Variants in NRXN1 observed in about 807,000 individuals in gnomAD.
The protein encoded by NRXN1 is neurexin-1.
Under a neutral mutation model 150.9 loss-of-function variants are expected in NRXN1, and 39 were observed. The observed-to-expected ratio is 0.26, with a 90% CI of 0.20 to 0.34. The LOEUF (loss-of-function observed/expected upper bound fraction) is 0.34. NRXN1 is among the 10% of genes least tolerant of loss of function. NRXN1 has a pLI of 1.00. For synonymous variants in NRXN1, 924 were observed against 757.0 expected, an observed-to-expected ratio of 1.22 and a Z score of -3.62; for missense variants, 1,815 against 1,949.9, an observed-to-expected ratio of 0.93 and a Z score of 1.30.
intron 5 of NRXN1, among the ~76,000 whole-genome samples, chr2:50,845,578 C>T (rs1673522409): frequency 6.6e-6 from 1 of 152,126 alleles, no homozygotes; most frequent in South Asian, 2.1e-4. Context: ...CTGTTTTTCC[C>T]TCACAAATTT....
intron 9 of NRXN1, among the ~76,000 whole-genome samples, chr2:50,542,279 C>G (rs907388049): frequency 3.3e-5 from 5 of 151,014 alleles, no homozygotes; most frequent in Admixed American, 2.6e-4. Flanking sequence ...AAAACTCCAT[C>G]AGAAAGAAAG....
chr2:50,543,964 A>C (rs1179352433), intron 9 of NRXN1, among the ~76,000 whole-genome samples: 3 of 152,150 alleles, frequency 2.0e-5, no homozygotes, highest in Non-Finnish European at 4.4e-5. Flanking sequence ...TAGCAAGTTT[A>C]GCCAAAGGAT....
At chr2:50,433,864 A>T (rs2104392699) in intron 17 of NRXN1, among the ~76,000 whole-genome samples, 1 of 152,172 alleles carries the variant, frequency 6.6e-6, no homozygotes, top group South Asian at 2.1e-4. Flanking sequence ...AAATAAAAGC[A>T]GATGGTAGAG....
At chr2:50,402,579 G>T (rs1210316987) in intron 17 of NRXN1, among the ~76,000 whole-genome samples, 1 of 152,050 alleles carries the variant, frequency 6.6e-6, no homozygotes, top group Non-Finnish European at 1.5e-5. Context: ...GTAGCTTTCG[G>T]AGAGCAAGTC....
chr2:50,202,980 A>G (rs1034147478), intron 18 of NRXN1, among the ~76,000 whole-genome samples: 45 of 152,148 alleles, frequency 3.0e-4, no homozygotes, highest in Non-Finnish European at 1.5e-5. Flanking sequence ...CTAGATGTCA[A>G]TGGGAGAAGA....
chr2:50,862,801 G>C (rs961925324), intron 5 of NRXN1, among the ~76,000 whole-genome samples: 1 of 152,052 alleles, frequency 6.6e-6, no homozygotes, highest in East Asian at 1.9e-4. Flanking sequence ...ATTAGAAATG[G>C]AAATGTGCCT....
chr2:50,550,296 G>C (rs1218925388), intron 9 of NRXN1, among the ~76,000 whole-genome samples: 2 of 152,110 alleles, frequency 1.3e-5, no homozygotes, highest in Non-Finnish European at 1.5e-5. Flanking sequence ...GTATGATCAC[G>C]GCTCACTGCA....
chr2:50,492,230 C>T (rs185717233), intron 15 of NRXN1, among the ~76,000 whole-genome samples: 4 of 152,176 alleles, frequency 2.6e-5, no homozygotes, highest in Admixed American at 1.3e-4. Flanking sequence ...GCTGCTTGTA[C>T]ATAATAACCA....
chr2:50,478,523 C>T (rs1481611183), intron 15 of NRXN1, among the ~76,000 whole-genome samples: 5 of 152,090 alleles, frequency 3.3e-5, no homozygotes, highest in Non-Finnish European at 5.9e-5. Context: ...AGAAACTCTC[C>T]GCTGAAGAGA....
intron 18 of NRXN1, among the ~76,000 whole-genome samples, chr2:50,108,529 C>T (rs1701968013): frequency 6.6e-6 from 1 of 152,018 alleles, no homozygotes; most frequent in South Asian, 2.1e-4. Context: ...ATGTCAAAAA[C>T]TCTGAGATAT....
At chr2:49,961,341 C>T (rs544360479) in intron 21 of NRXN1, among the ~76,000 whole-genome samples, 1 of 152,124 alleles carries the variant, frequency 6.6e-6, no homozygotes, top group East Asian at 1.9e-4. Flanking sequence ...CACACACACA[C>T]ACACACATCA....
chr2:50,452,979 G>A (rs186560276), intron 17 of NRXN1, among the ~76,000 whole-genome samples: 233 of 152,244 alleles, frequency 1.5e-3, no homozygotes, highest in African/African-American at 5.0e-3. Context: ...CAGCCAATGG[G>A]AGAGGCTGAT....
chr2:51,009,669 C>T (rs992766715), intron 2 of NRXN1, among the ~76,000 whole-genome samples: 8 of 151,694 alleles, frequency 5.3e-5, no homozygotes, highest in African/African-American at 1.9e-4. Context: ...TTTTCATTAG[C>T]GAAAGGAGGC....
chr2:50,019,731 C>T (rs1252516545), intron 21 of NRXN1, among the ~76,000 whole-genome samples: 1 of 147,264 alleles, frequency 6.8e-6, no homozygotes, highest in African/African-American at 2.5e-5. Flanking sequence ...CGGATCACGA[C>T]GTCAGGAGAT....
chr2:50,155,478 A>G (rs1473540816), intron 18 of NRXN1, among the ~76,000 whole-genome samples: 1 of 151,590 alleles, frequency 6.6e-6, no homozygotes, highest in Non-Finnish European at 1.5e-5. Flanking sequence ...TTTAATTACA[A>G]TGCTGACAAA....
chr2:50,496,784 T>C (rs1477407326), intron 14 of NRXN1, among the ~76,000 whole-genome samples: 1 of 152,202 alleles, frequency 6.6e-6, no homozygotes, highest in Non-Finnish European at 1.5e-5. Context: ...ATTGTAAATA[T>C]ACACCAATAT....
intron 21 of NRXN1, chr2:49,972,654 A>G (rs1331626125): frequency 1.3e-5 from 2 of 152,212 alleles, no homozygotes; most frequent in East Asian, 3.9e-4. Flanking sequence ...GACAAACACC[A>G]CAAATAGACA....
chr2:50,349,922 G>A (rs1447432037), intron 17 of NRXN1, among the ~76,000 whole-genome samples: 2 of 152,152 alleles, frequency 1.3e-5, no homozygotes, highest in Non-Finnish European at 2.9e-5. Context: ...GCCTGAAGGG[G>A]ACAAGAGTCA....
At chr2:50,107,690 C>A (rs1271889726) in intron 18 of NRXN1, among the ~76,000 whole-genome samples, 1 of 151,364 alleles carries the variant, frequency 6.6e-6, no homozygotes, top group African/African-American at 2.4e-5. Flanking sequence ...ACTATTACAA[C>A]AATAATTGCA....
Sources: allele counts gnomAD v4.1 joint callset (sites outside exome capture counted in the v4.1 genomes callset), GRCh38; gene constraint gnomAD v4.1.1; transcripts MANE v1.5; gene names NCBI Gene and HGNC (gene_info 2026-07-23, HGNC 2026-07-21).